Variants in UBE2L6 observed in about 807,000 individuals in gnomAD.
The protein encoded by UBE2L6 is ubiquitin conjugating enzyme E2 L6.
UBE2L6 carries 11 observed loss-of-function variants against 13.6 expected under a neutral mutation model. The ratio of observed to expected loss-of-function variants is 0.81; its 90% CI spans 0.51 to 1.34. UBE2L6 has a LOEUF of 1.34. Among genes scored for constraint, UBE2L6 ranks in the 40% most tolerant of loss-of-function variants. The pLI, the probability that UBE2L6 is intolerant of heterozygous loss-of-function variation, is 0.00. For synonymous variants in UBE2L6, 74 were observed against 83.2 expected (o/e 0.89, Z 0.60); for missense variants, 197 against 199.5 (o/e 0.99, Z 0.07).
In UBE2L6 at chr11:57,552,481, A is replaced by G; in HGVS notation, c.339T>C (p.Asn113=). ...GCAGGGGCTCCCTGATATTCGGTCT[A>G]TTCACCAGCACATTGAGGGCCTCCA... is the stretch of plus-strand genomic sequence containing the variant. ...QVLEALNVLV[N]RPNIREPLRM... is the part of the protein sequence containing the mutation. The change falls in exon 4 of 4, where the codon AAT becomes AAC. Residue 113 remains asparagine (N), a synonymous_variant. Transcript: ENST00000287156. The G allele has an allele frequency of 6.2e-7, 1 of 1,614,130 alleles. No individual in the cohort carries two copies. Among genetic ancestry groups the G allele is most frequent in the East Asian group, 2.2e-5 (1 of 44,880 alleles).
chr11:57,559,057 C>G (rs1945018204), intron 2 of UBE2L6, among the ~76,000 whole-genome samples: 1 of 152,188 alleles, frequency 6.6e-6, no homozygotes. Flanking sequence ...TCCTATCACC[C>G]CTGCTTTCAT....
At chr11:57,552,996 C>T (rs1008275763) in intron 3 of UBE2L6, among the ~76,000 whole-genome samples, 2 of 152,158 alleles carry the variant, frequency 1.3e-5, no homozygotes, top group Non-Finnish European at 2.9e-5. Flanking sequence ...GCAAAACAGA[C>T]AGTTCCCAGA....
At chr11:57,564,661 G>A (rs148608758) in intron 1 of UBE2L6, among the ~76,000 whole-genome samples, 2,626 of 152,034 alleles carry the variant, frequency 0.017, 86 homozygotes, top group African/African-American at 0.061. Context: ...AAATTAGCTG[G>A]GCGTGGTGGC....
intron 1 of UBE2L6, among the ~76,000 whole-genome samples, chr11:57,561,579 G>T (rs991643080): frequency 5.0e-4 from 76 of 152,314 alleles, no homozygotes; most frequent in African/African-American, 1.7e-3. Context: ...CAGAGAAGGG[G>T]AGAAGCACCA....
intron 3 of UBE2L6, 34 bp downstream of exon 3, chr11:57,554,403 A>G (rs371714982): frequency 1.2e-6 from 2 of 1,609,084 alleles, no homozygotes; most frequent in Non-Finnish European, 8.5e-7. Context: ...TCTACCCAGT[A>G]TCAGTCCCTC....
chr11:57,552,783 G>A (rs1590806820), intron 3 of UBE2L6, among the ~76,000 whole-genome samples: 2 of 152,122 alleles, frequency 1.3e-5, no homozygotes, highest in East Asian at 3.8e-4. Context: ...AGGTTTCTGG[G>A]TCTTATCCCC....
intron 1 of UBE2L6, among the ~76,000 whole-genome samples, chr11:57,564,063 A>C (rs1217803911): frequency 2.6e-5 from 4 of 152,232 alleles, no homozygotes; most frequent in Non-Finnish European, 5.9e-5. Context: ...AGAATTTCCC[A>C]AATCTAGAGA....
At chr11:57,560,206 C>T (rs761823698) in intron 2 of UBE2L6, 131 bp downstream of exon 2, 2 of 731,776 alleles carry the variant, frequency 2.7e-6, no homozygotes, top group South Asian at 1.5e-5. Context: ...GAGAAGCCCC[C>T]TCCAGCAATG....
chr11:57,554,693 T>A, intron 2 of UBE2L6, 70 bp from the exon 3 acceptor site: 1 of 1,550,572 alleles, frequency 6.4e-7, no homozygotes. Flanking sequence ...CCGAGGGTCC[T>A]AGGCATCCTC....
intron 2 of UBE2L6, 29 bp downstream of exon 2, chr11:57,560,308 C>G: frequency 1.3e-6 from 2 of 1,596,728 alleles, no homozygotes; most frequent in Non-Finnish European, 1.7e-6. Flanking sequence ...TGGCCCCAAT[C>G]CAAAGCCATG....
At chr11:57,559,653 T>C (rs1012149376) in intron 2 of UBE2L6, among the ~76,000 whole-genome samples, 1 of 152,130 alleles carries the variant, frequency 6.6e-6, no homozygotes, top group African/African-American at 2.4e-5. Flanking sequence ...AGATGAATTG[T>C]TCCTTTGATA....
chr11:57,567,745 T>TG (rs1945105563), upstream of UBE2L6: 1 of 1,101,096 alleles, frequency 9.1e-7, no homozygotes, highest in Non-Finnish European at 1.2e-6. Flanking sequence ...CGTCGCTGCG[T>TG]GGGCCTCCCC....
rs1158940705 is a variant in UBE2L6, at chr11:57,560,636, T to C, written c.28-204A>G. The C allele has an allele frequency of 1.1e-4, 54 of 481,198 alleles. 1 individual carries two copies. The East Asian group carries it at 2.0e-3, about 17-fold the overall frequency. 29.8% of individuals were successfully genotyped at this position (481,198 alleles called of 1,614,324 possible). On this transcript the variant is annotated intron_variant, in intron 1 of 3. Transcript: ENST00000287156. ...TTTTTCTTTTTTCTTTTTTTTTTTT[T>C]TTGAGACAGAGTCTCGCTCTGTTGC...
intron 1 of UBE2L6, among the ~76,000 whole-genome samples, chr11:57,562,404 C>T (rs907770585): frequency 6.6e-6 from 1 of 152,252 alleles, no homozygotes; most frequent in South Asian, 2.1e-4. Flanking sequence ...AGTGAACTAA[C>T]CACCCTAAGG....
chr11:57,558,509 C>T (rs1446582998), intron 2 of UBE2L6, among the ~76,000 whole-genome samples: 1 of 152,182 alleles, frequency 6.6e-6, no homozygotes, highest in African/African-American at 2.4e-5. Context: ...ACTTAACCTC[C>T]TTGGTTTCCA....
At chr11:57,567,811 C>T (rs1945106274), upstream of UBE2L6, 4 of 531,538 alleles carry the variant, frequency 7.5e-6, no homozygotes, top group South Asian at 1.2e-4. Flanking sequence ...CGGACAACCG[C>T]CCGATCCCCG....
chr11:57,555,745 T>TA (rs1482958483), intron 2 of UBE2L6, among the ~76,000 whole-genome samples: 2 of 152,092 alleles, frequency 1.3e-5, no homozygotes, highest in African/African-American at 2.4e-5. Flanking sequence ...TCTGGCTAAT[T>TA]AAAAAAATTT....
intron 1 of UBE2L6, among the ~76,000 whole-genome samples, chr11:57,565,734 G>A (rs1945085817): frequency 6.6e-6 from 1 of 152,074 alleles, no homozygotes; most frequent in Middle Eastern, 3.2e-3. Flanking sequence ...TAAAATAACA[G>A]GTTATAAGAT....
intron 1 of UBE2L6, 83 bp from the exon 2 acceptor site, chr11:57,560,515 C>G (rs571908109): frequency 1.8e-6 from 2 of 1,086,698 alleles, no homozygotes; most frequent in East Asian, 2.4e-5. Flanking sequence ...GCAAGCTGCC[C>G]CAAGTTCAAA....
Sources: allele counts gnomAD v4.1 joint callset (sites outside exome capture counted in the v4.1 genomes callset), GRCh38; gene constraint gnomAD v4.1.1; transcripts MANE v1.5; gene names NCBI Gene and HGNC (gene_info 2026-07-23, HGNC 2026-07-21).